The following PKHD1 variants were observed in gnomAD, a reference collection of about 807,000 sequenced individuals.
PKHD1 encodes the protein fibrocystin.
PKHD1 carries 291 observed loss-of-function variants against 412.0 expected under a neutral mutation model. That is an observed-to-expected ratio of 0.71 (90% CI 0.64 to 0.78). PKHD1 has a LOEUF of 0.78. PKHD1 is among the 30% of genes least tolerant of loss of function. PKHD1 has a pLI of 0.00. For missense variants in PKHD1, 4,825 were observed against 4,950.7 expected (o/e 0.97, Z 0.76); for synonymous variants, 1,777 against 1,821.5 (o/e 0.98, Z 0.62).
At position 51,627,012 on chromosome 6, in the gene PKHD1, T is replaced by C. The variant is rs2150277292; in HGVS notation, c.11770A>G (p.Thr3924Ala). Residue 3924 changes from threonine (T) to alanine (A), a missense_variant, in exon 66 of 67, where the codon ACT (threonine) becomes GCT (alanine). Thr to Ala is a moderately conservative substitution (Grantham distance 58). Transcript: ENST00000371117. ...CCAAGCTTACCTTCTCCCACCACAG[T>C]GTCTTCTTTTTTGGGCCCTTGTGAT... ...RESQGPKKED[T>A]VVGEDMRMKV... 6.2e-7 allele frequency: 1 copy of C among 1,612,312 alleles called. No homozygotes were observed. The highest frequency in any genetic ancestry group is 8.5e-7 in the Non-Finnish European group (1 of 1,178,540).
intron 60 of PKHD1, chr6:51,741,036 C>G (rs996796798): frequency 3.9e-6 from 2 of 510,612 alleles, no homozygotes; most frequent in Non-Finnish European, 7.8e-6. Flanking sequence ...GATAGTAAAT[C>G]GTGTGTAATA....
chr6:51,665,688 T>C (rs1469229995), intron 60 of PKHD1, among the ~76,000 whole-genome samples: 1 of 152,150 alleles, frequency 6.6e-6, no homozygotes, highest in Non-Finnish European at 1.5e-5. Context: ...ATTCAGAGTC[T>C]CTTAAAATGT....
At chr6:51,636,711 C>G (rs958907584) in intron 64 of PKHD1, among the ~76,000 whole-genome samples, 5 of 152,156 alleles carry the variant, frequency 3.3e-5, no homozygotes, top group Non-Finnish European at 5.9e-5. Flanking sequence ...ACGCTGCTTT[C>G]CCCAACATTC....
intron 60 of PKHD1, among the ~76,000 whole-genome samples, chr6:51,740,803 C>A (rs902083801): frequency 1.3e-5 from 2 of 152,168 alleles, no homozygotes; most frequent in Non-Finnish European, 2.9e-5. Flanking sequence ...CCGGAAGGCA[C>A]CATTTACTAT....
At chr6:51,809,032 A>C (rs1044272596) in intron 52 of PKHD1, among the ~76,000 whole-genome samples, 1 of 152,156 alleles carries the variant, frequency 6.6e-6, no homozygotes, top group African/African-American at 2.4e-5. Context: ...TATGAAAGAG[A>C]TATACTGAAT....
At chr6:51,872,660 C>T (rs1206679420) in intron 46 of PKHD1, among the ~76,000 whole-genome samples, 3 of 152,032 alleles carry the variant, frequency 2.0e-5, no homozygotes, top group South Asian at 2.1e-4. Flanking sequence ...CTGCACACCT[C>T]GGCCTCCCAA....
chr6:51,914,955 T>C (rs965758679), intron 37 of PKHD1, among the ~76,000 whole-genome samples: 10 of 152,152 alleles, frequency 6.6e-5, no homozygotes, highest in Non-Finnish European at 1.5e-5. Flanking sequence ...CTTGTAGTGA[T>C]CAGTGACATC....
At chr6:52,056,643 G>C (rs889068545) in intron 18 of PKHD1, 55 bp downstream of exon 18, 13 of 1,252,254 alleles carry the variant, frequency 1.0e-5, no homozygotes, top group Middle Eastern at 1.9e-4. Flanking sequence ...TCATTTTATA[G>C]AAAGAAAGAA....
rs892289535 is a variant in PKHD1 at position 52,042,424 on chromosome 6, C to T, written c.3097+435G>A. Among the ~76,000 whole-genome samples the T allele has an allele frequency of 3.3e-5, 5 of 152,270 alleles. 1 individual carries two copies. Among genetic ancestry groups the T allele is most frequent in the Admixed American group, 2.0e-4 (3 of 15,292 alleles). On this transcript the variant is annotated intron_variant, in intron 27 of 66. Coordinates refer to ENST00000371117, the MANE Select transcript of PKHD1 (RefSeq NM_138694.4). ...ATCTGGCTGGGTTGTTTTTAACTGG[C>T]TGTGTCCCTCAGAAAGCAGAAAGTC... is the stretch of plus-strand genomic sequence containing the variant.
chr6:51,884,864 A>G (rs1777957492), intron 45 of PKHD1, among the ~76,000 whole-genome samples: 1 of 151,816 alleles, frequency 6.6e-6, no homozygotes, highest in Admixed American at 6.6e-5. Flanking sequence ...TTACCCCTAT[A>G]GGGTATATTT....
chr6:51,929,963 T>C (rs1042861793), intron 37 of PKHD1, among the ~76,000 whole-genome samples: 1 of 152,178 alleles, frequency 6.6e-6, no homozygotes, highest in Non-Finnish European at 1.5e-5. Context: ...AAACTGGAAA[T>C]GAAGTGAGAG....
rs1003716639 is a variant in PKHD1 at position 51,826,566 on chromosome 6, A to T, written c.8302+4295T>A. Among the ~76,000 whole-genome samples, 4 of 152,238 alleles carry T rather than the reference A, an allele frequency of 2.6e-5. No individual in the cohort carries two copies. In the East Asian group the frequency reaches 7.7e-4, roughly 29 times the overall value. ...CTTTATGAAGGTTTGAGATTTGCGT[A>T]GTAAGGCAGAACTTGTTCCTACTAC... On this transcript the variant is annotated intron_variant, in intron 52 of 66. Transcript: ENST00000371117.
intron 50 of PKHD1, among the ~76,000 whole-genome samples, chr6:51,842,999 G>T (rs1770507851): frequency 6.6e-6 from 1 of 152,222 alleles, no homozygotes; most frequent in Non-Finnish European, 1.5e-5. Context: ...AGCTGAGCGT[G>T]GGGCCAAGCA....
chr6:52,039,896 T>C (rs1257248062), intron 27 of PKHD1, among the ~76,000 whole-genome samples: 1 of 152,186 alleles, frequency 6.6e-6, no homozygotes, highest in Non-Finnish European at 1.5e-5. Context: ...ATATGGTATA[T>C]CCATACCATG....
Position 51,659,576 on chromosome 6 carries a change from G to A in PKHD1, c.10550C>T (p.Pro3517Leu), listed in dbSNP as rs1268452279. The change falls in exon 61 of 67, where the codon CCC becomes CTC. Residue 3517 changes from proline (P) to leucine (L), a missense_variant. Coordinates refer to ENST00000371117, the MANE Select transcript of PKHD1 (RefSeq NM_138694.4). The stretch of plus-strand genomic sequence containing the variant: ...TAAGGAAGCTGACTGAACCAGAGTG[G>A]GTGGAATAAAACTTTCCCCTAAGAA... Reference protein sequence around the residue: ...HVFLGESFIPPTLVQSASLLL... With the variant: ...HVFLGESFIPLTLVQSASLLL... The A allele has an allele frequency of 6.2e-7, 1 of 1,613,704 alleles. No individual in the cohort carries two copies. The highest frequency in any genetic ancestry group is 1.7e-5 in the Admixed American group (1 of 59,890).
chr6:51,627,417 GA>G (rs142841800), intron 65 of PKHD1, among the ~76,000 whole-genome samples: 1 of 151,324 alleles, frequency 6.6e-6, no homozygotes, highest in Non-Finnish European at 1.5e-5. Flanking sequence ...ACTCAATTTT[GA>G]AAAAAAGTGT....
intron 36 of PKHD1, among the ~76,000 whole-genome samples, chr6:51,938,056 T>C (rs1583463638): frequency 1.3e-5 from 2 of 152,188 alleles, no homozygotes; most frequent in Admixed American, 6.5e-5. Context: ...AGGATGATAA[T>C]AGCCCTTCCC....
intron 60 of PKHD1, among the ~76,000 whole-genome samples, chr6:51,680,566 T>C (rs1776512440): frequency 6.6e-6 from 1 of 152,054 alleles, no homozygotes; most frequent in Admixed American, 6.6e-5. Flanking sequence ...AATTTAATTA[T>C]TAAAATGCAT....
chr6:51,912,464 G>A lies in PKHD1; in HGVS notation c.6234C>T (p.Ile2078=). The A allele has an allele frequency of 1.2e-6, 2 of 1,612,772 alleles. No homozygotes were observed. Among genetic ancestry groups the A allele is most frequent in the South Asian group, 1.1e-5 (1 of 91,060 alleles). ...VDWNPGDEVV[I]ISGTGVKGAK... is the part of the protein sequence containing the mutation. ...CACCTTTAACACCTGTTCCACTGAT[G>A]ATGACAACTTCATCCCCAGGGTTCC... Residue 2078 remains isoleucine (I), a synonymous_variant, in exon 38 of 67, where the codon ATC becomes ATT. Coordinates refer to ENST00000371117, the MANE Select transcript of PKHD1 (RefSeq NM_138694.4).
Sources: allele counts gnomAD v4.1 joint callset (sites outside exome capture counted in the v4.1 genomes callset), GRCh38; gene constraint gnomAD v4.1.1; transcripts MANE v1.5; gene names NCBI Gene and HGNC (gene_info 2026-07-23, HGNC 2026-07-21).